CANX: variants seen among roughly 807,000 people sequenced by gnomAD.
The protein encoded by CANX is epididymis secretory sperm binding protein.
In CANX, 14 loss-of-function variants were observed where a neutral mutation model predicts 75.7. The observed-to-expected ratio is 0.19, with a 90% CI of 0.12 to 0.29. The LOEUF (loss-of-function observed/expected upper bound fraction) is 0.29. CANX is among the 10% of genes least tolerant of loss of function. The pLI is 1.00. For synonymous variants in CANX, 227 were observed against 236.9 expected, an observed-to-expected ratio of 0.96 and a Z score of 0.38; for missense variants, 567 against 713.2, an observed-to-expected ratio of 0.79 and a Z score of 2.34.
upstream of CANX, among the ~76,000 whole-genome samples, chr5:179,693,677 T>TAAAATA (rs1293536736): frequency 6.7e-6 from 1 of 150,092 alleles, no homozygotes; most frequent in Non-Finnish European, 1.5e-5. Flanking sequence ...CTCAAAAAAA[T>TAAAATA]AAAATAAAAA....
At chr5:179,728,471 C>A (rs901517585) in intron 14 of CANX, 120 bp from the exon 15 acceptor site, 3 of 644,048 alleles carry the variant, frequency 4.7e-6, no homozygotes, top group Non-Finnish European at 8.4e-6. Context: ...TTCTTCTCAT[C>A]ATTTTCCTCA....
chr5:179,705,611 T>A (rs7735702), intron 1 of CANX, 68 bp from the exon 2 acceptor site: 281,965 of 1,035,304 alleles, frequency 0.27, 41,025 homozygotes, highest in Non-Finnish European at 0.3. Flanking sequence ...AATGAGAGAG[T>A]GGTTAGTGAT....
At chr5:179,701,940 C>T (rs112123775) in intron 1 of CANX, among the ~76,000 whole-genome samples, 2,420 of 151,834 alleles carry the variant, frequency 0.016, 65 homozygotes, top group East Asian at 0.15. Flanking sequence ...GGGGTTTCAC[C>T]GGGTTGTCCA....
rs546288954 is a variant in CANX at position 179,703,508 on chromosome 5, A to G, written c.-3-2171A>G. 2.8e-4 allele frequency among the ~76,000 whole-genome samples: 42 copies of G among 152,168 alleles called. No homozygotes were observed. The East Asian group carries it at 6.4e-3, about 23-fold the overall frequency. ...GGCGTGAGCCACCCCACCCTGCCCA[A>G]CGACTCACTTAGCTTCAACCTGTCA... On this transcript the variant is annotated intron_variant, in intron 1 of 14. Coordinates refer to ENST00000247461, the MANE Select transcript of CANX (RefSeq NM_001746.4).
chr5:179,717,141 AC>A (rs1482261202), intron 8 of CANX, among the ~76,000 whole-genome samples: 1 of 152,142 alleles, frequency 6.6e-6, no homozygotes, highest in Non-Finnish European at 1.5e-5. Flanking sequence ...AGAAATTCTT[AC>A]CCTTTGTAAA....
At chr5:179,687,965 G>A (rs1223503757) in intron 1 of CANX, among the ~76,000 whole-genome samples, 2 of 151,888 alleles carry the variant, frequency 1.3e-5, no homozygotes, top group Non-Finnish European at 2.9e-5. Flanking sequence ...AACCCAGGAG[G>A]TGGACGTTGC....
intron 1 of CANX, among the ~76,000 whole-genome samples, chr5:179,690,555 G>A (rs1379583511): frequency 9.5e-5 from 13 of 137,520 alleles, no homozygotes; most frequent in Non-Finnish European, 1.7e-4. Flanking sequence ...CAGCCTGGGG[G>A]ACAAGAGTGA....
At chr5:179,698,505 G>A (rs1257482179), upstream of CANX, 1 of 1,289,286 alleles carries the variant, frequency 7.8e-7, no homozygotes. Context: ...CTTCCTGATG[G>A]CCGATCGTCG....
chr5:179,684,269 G>C (rs1562432323), intron 1 of CANX, among the ~76,000 whole-genome samples: 1 of 152,066 alleles, frequency 6.6e-6, no homozygotes, highest in East Asian at 1.9e-4. Flanking sequence ...GCGTTTTTGA[G>C]ACGGGGTCTT....
chr5:179,715,597 C>G (rs1323649336), intron 7 of CANX, among the ~76,000 whole-genome samples: 4 of 152,138 alleles, frequency 2.6e-5, no homozygotes, highest in Non-Finnish European at 5.9e-5. Context: ...TTTTTTCATT[C>G]TCCATGGGAG....
At chr5:179,697,942 A>G (rs1206689856), upstream of CANX, among the ~76,000 whole-genome samples, 2 of 152,166 alleles carry the variant, frequency 1.3e-5, no homozygotes, top group African/African-American at 2.4e-5. Flanking sequence ...ATACTAACTC[A>G]TGCAAACACC....
intron 9 of CANX, 46 bp downstream of exon 9, chr5:179,719,827 T>TG: frequency 9.0e-7 from 1 of 1,114,052 alleles, no homozygotes; most frequent in Non-Finnish European, 1.3e-6. Flanking sequence ...TTTTTTTGTT[T>TG]GTTTTTTTTT....
At chr5:179,708,202 G>C in intron 4 of CANX, 37 bp from the exon 5 acceptor site, 1 of 1,596,984 alleles carries the variant, frequency 6.3e-7, no homozygotes, top group South Asian at 1.1e-5. Context: ...TTCAGAGGTA[G>C]AGTTAAGCAG....
chr5:179,715,945 C>T (rs894058457), intron 7 of CANX, 160 bp from the exon 8 acceptor site: 6 of 700,240 alleles, frequency 8.6e-6, no homozygotes, highest in Middle Eastern at 2.3e-4. Context: ...AGGAAATGGG[C>T]GTTAGCTTCC....
Position 179,717,721 on chromosome 5 carries a change from C to CT in CANX, c.911+1439dup, listed in dbSNP as rs34244748. Among the ~76,000 whole-genome samples, 1,008 of 144,860 alleles carry CT rather than the reference C, an allele frequency of 7.0e-3. 12 individuals carry two copies. Among genetic ancestry groups the CT allele is most frequent in the African/African-American group, 0.022 (871 of 39,778 alleles). On this transcript the variant is annotated intron_variant, in intron 8 of 14. Transcript: ENST00000247461. ...CATAAATATGTTTTTTCTTTTCTTG[C>CT]TTTTTTTTTTTTGAGATGGAGTGTA... is the stretch of plus-strand genomic sequence containing the variant.
chr5:179,704,001 G>A (rs1053468925), intron 1 of CANX, among the ~76,000 whole-genome samples: 2 of 152,082 alleles, frequency 1.3e-5, no homozygotes, highest in Non-Finnish European at 2.9e-5. Context: ...AGGACATCTT[G>A]TGTGTGTGTG....
At chr5:179,721,083 A>G (rs1488512294) in intron 10 of CANX, among the ~76,000 whole-genome samples, 1 of 149,952 alleles carries the variant, frequency 6.7e-6, no homozygotes, top group East Asian at 2.0e-4. Context: ...CATCTGGTCA[A>G]CTTTCTTTTT....
rs1043287274 is a variant in CANX, at chr5:179,678,731, A to T, written c.-50A>T. The stretch of plus-strand genomic sequence containing the variant: ...CTTCTCCAGCAAGTGCATGCGCGCC[A>T]TGGTCTCAGTCAGCATGTCTATGAG... On this transcript the variant is annotated 5_prime_UTR_variant, in exon 1 of 15. Transcript: ENST00000681674. 9.1e-6 allele frequency: 14 copies of T among 1,536,998 alleles called. No homozygotes were observed. Among genetic ancestry groups the T allele is most frequent in the East Asian group, 2.4e-5 (1 of 40,902 alleles).
At chr5:179,711,080 C>T (rs1777520346) in intron 7 of CANX, among the ~76,000 whole-genome samples, 1 of 151,796 alleles carries the variant, frequency 6.6e-6, no homozygotes, top group African/African-American at 2.4e-5. Flanking sequence ...AAAAGAATCT[C>T]TTCACTTTAG....
Sources: allele counts gnomAD v4.1 joint callset (sites outside exome capture counted in the v4.1 genomes callset), GRCh38; gene constraint gnomAD v4.1.1; transcripts MANE v1.5; gene names NCBI Gene and HGNC (gene_info 2026-07-23, HGNC 2026-07-21).